GATAD2B: variants seen among roughly 807,000 people sequenced by gnomAD.
GATAD2B encodes the protein transcriptional repressor p66-beta.
A neutral mutation model predicts 64.3 loss-of-function variants in GATAD2B; 8 were observed. The observed-to-expected ratio is 0.12, with a 90% CI of 0.07 to 0.22. The LOEUF is 0.22. Among genes scored for constraint, GATAD2B ranks in the 10% least tolerant of loss-of-function variants. The pLI, the probability that GATAD2B is intolerant of heterozygous loss-of-function variation, is 1.00. For synonymous variants in GATAD2B, 281 were observed against 271.3 expected, an observed-to-expected ratio of 1.04 and a Z score of -0.35; for missense variants, 453 against 752.0, an observed-to-expected ratio of 0.60 and a Z score of 4.65.
chr1:153,807,942 G>A lies in GATAD2B; in HGVS notation c.*2235C>T, dbSNP rs1375951876. ...CATGCCACAAGGCAAGATGACTTGTGGGGAAAACATTTTTAAAAAAAGCTT... is the reference window on the plus strand; with the variant it reads ...CATGCCACAAGGCAAGATGACTTGTAGGGAAAACATTTTTAAAAAAAGCTT... On this transcript the variant is annotated 3_prime_UTR_variant, in exon 11 of 11. Coordinates refer to ENST00000368655, the MANE Select transcript of GATAD2B (RefSeq NM_020699.4). The A allele has an allele frequency of 6.6e-6, 1 of 152,500 alleles. No homozygotes were observed. The highest frequency in any genetic ancestry group is 1.5e-5 in the Non-Finnish European group (1 of 68,012). 9.4% of individuals were successfully genotyped at this position (152,500 alleles called of 1,614,324 possible).
intron 1 of GATAD2B, chr1:153,886,301 T>G (rs929188837): frequency 2.0e-5 from 3 of 152,200 alleles, no homozygotes; most frequent in Non-Finnish European, 4.4e-5. Context: ...AGCCTATTGC[T>G]CCTAGGCTAT....
intron 1 of GATAD2B, among the ~76,000 whole-genome samples, chr1:153,859,719 A>G (rs1334393481): frequency 6.6e-6 from 1 of 151,922 alleles, no homozygotes; most frequent in Non-Finnish European, 1.5e-5. Flanking sequence ...ACTTTTATGA[A>G]TAGAGTAATA....
At chr1:153,821,609 C>T (rs1321204860) in intron 2 of GATAD2B, among the ~76,000 whole-genome samples, 3 of 151,978 alleles carry the variant, frequency 2.0e-5, no homozygotes, top group Non-Finnish European at 2.9e-5. Context: ...CTCTGTCGCC[C>T]AGGCTGGAGT....
intron 1 of GATAD2B, among the ~76,000 whole-genome samples, chr1:153,878,774 C>CT (rs71093297): frequency 0.64 from 69,208 of 108,136 alleles, 23,470 homozygotes; most frequent in South Asian, 0.77. Flanking sequence ...TACTTTATTC[C>CT]TTTTTTTTTT....
intron 1 of GATAD2B, among the ~76,000 whole-genome samples, chr1:153,897,874 G>C (rs950338244): frequency 6.6e-6 from 1 of 151,816 alleles, no homozygotes; most frequent in Non-Finnish European, 1.5e-5. Flanking sequence ...GGCCTGGCAC[G>C]GTGGCTCACA....
chr1:153,852,640 CA>C, intron 1 of GATAD2B: 3 of 823,656 alleles, frequency 3.6e-6, no homozygotes, highest in Non-Finnish European at 6.5e-6. Flanking sequence ...ATCAAGTGAA[CA>C]GAAGAACGGA....
chr1:153,865,599 C>G (rs1435952537), intron 1 of GATAD2B, among the ~76,000 whole-genome samples: 1 of 152,204 alleles, frequency 6.6e-6, no homozygotes, highest in Non-Finnish European at 1.5e-5. Context: ...GTGGAACATT[C>G]TGTTACATAA....
At chr1:153,844,791 T>C (rs893380688) in intron 1 of GATAD2B, among the ~76,000 whole-genome samples, 21 of 145,016 alleles carry the variant, frequency 1.4e-4, no homozygotes, top group South Asian at 1.2e-3. Flanking sequence ...AGGGATAGCA[T>C]TGGGAGATAT....
chr1:153,836,261 T>G (rs1460620601), intron 1 of GATAD2B, among the ~76,000 whole-genome samples: 2 of 150,770 alleles, frequency 1.3e-5, no homozygotes, highest in African/African-American at 4.9e-5. Context: ...AAAAAAAAAT[T>G]TGTTTTTTTT....
intron 1 of GATAD2B, among the ~76,000 whole-genome samples, chr1:153,871,128 G>A (rs1034790548): frequency 1.3e-5 from 2 of 151,492 alleles, no homozygotes; most frequent in African/African-American, 2.4e-5. Flanking sequence ...GTGCAGTGGC[G>A]CGATCTCGGC....
intron 1 of GATAD2B, among the ~76,000 whole-genome samples, chr1:153,871,077 G>GTT (rs199840760): frequency 6.8e-6 from 1 of 147,008 alleles, no homozygotes; most frequent in East Asian, 2.0e-4. Flanking sequence ...TTTGTTTTTT[G>GTT]TTTTTTTTTG....
intron 2 of GATAD2B, among the ~76,000 whole-genome samples, chr1:153,820,151 A>T (rs1261253110): frequency 6.6e-6 from 1 of 152,030 alleles, no homozygotes; most frequent in Non-Finnish European, 1.5e-5. Context: ...GGTACTGAAG[A>T]GTACACAAAA....
chr1:153,821,801 C>T (rs1181385719), intron 2 of GATAD2B, among the ~76,000 whole-genome samples: 1 of 150,736 alleles, frequency 6.6e-6, no homozygotes, highest in East Asian at 2.0e-4. Flanking sequence ...CTCCTGACCT[C>T]GTGATCTGCC....
chr1:153,836,147 T>TAGAAA (rs970563829), intron 1 of GATAD2B, among the ~76,000 whole-genome samples: 1 of 151,970 alleles, frequency 6.6e-6, no homozygotes, highest in African/African-American at 2.4e-5. Flanking sequence ...GTCTATACTT[T>TAGAAA]AGAAAAGTAC....
At chr1:153,879,877 A>C (rs1039833133) in intron 1 of GATAD2B, among the ~76,000 whole-genome samples, 2 of 152,094 alleles carry the variant, frequency 1.3e-5, no homozygotes, top group Non-Finnish European at 2.9e-5. Flanking sequence ...ACTGAACCCC[A>C]AAATTGTAAC....
chr1:153,866,348 A>C (rs1676475347), intron 1 of GATAD2B, among the ~76,000 whole-genome samples: 1 of 152,208 alleles, frequency 6.6e-6, no homozygotes, highest in South Asian at 2.1e-4. Flanking sequence ...AAGAGCAAAT[A>C]ATGATCCAAA....
rs771136697 is a variant in GATAD2B at position 153,813,223 on chromosome 1, T to G, written c.1419+27A>C. 5 of 1,588,008 alleles carry G rather than the reference T, an allele frequency of 3.1e-6. No individual in the cohort carries two copies. In the South Asian group the frequency reaches 3.3e-5, roughly 11 times the overall value. On this transcript the variant is annotated intron_variant, in intron 8 of 10. Coordinates refer to ENST00000368655, the MANE Select transcript of GATAD2B (RefSeq NM_020699.4). ...TTTGGAAAAAACAAACTGGGACAGG[T>G]GGCCAGTGAGCAGTCAGAATTCTTA...
chr1:153,920,532 T>C (rs1678398869), intron 1 of GATAD2B, among the ~76,000 whole-genome samples: 1 of 152,222 alleles, frequency 6.6e-6, no homozygotes, highest in South Asian at 2.1e-4. Flanking sequence ...ACACTGTTCC[T>C]AGAAAAGTAT....
chr1:153,853,454 G>C (rs1028829991), intron 1 of GATAD2B: 2 of 521,920 alleles, frequency 3.8e-6, no homozygotes, highest in South Asian at 2.4e-5. Context: ...GCAGTGAAGC[G>C]CCTATTTTTT....
Sources: gnomAD v4.1 joint callset for allele counts (sites outside exome capture counted in the v4.1 genomes callset) on GRCh38, gnomAD v4.1.1 for gene constraint, MANE v1.5 for transcripts, NCBI Gene and HGNC (gene_info 2026-07-23, HGNC 2026-07-21) for gene names.